SHISA9: variants seen among roughly 807,000 people sequenced by gnomAD.
The protein encoded by SHISA9 is protein shisa-9.
Under a neutral mutation model 38.0 loss-of-function variants are expected in SHISA9, and 13 were observed. The ratio of observed to expected loss-of-function variants is 0.34; its 90% CI spans 0.22 to 0.54. SHISA9 has a LOEUF of 0.54. Ranked by LOEUF, SHISA9 falls within the 20% of genes least tolerant of loss-of-function variation. The pLI is 0.91. For synonymous variants in SHISA9, 275 were observed against 242.0 expected, an observed-to-expected ratio of 1.14 and a Z score of -1.27; for missense variants, 538 against 575.8, an observed-to-expected ratio of 0.93 and a Z score of 0.67.
chr16:13,441,543 GC>G, the SHISA9 span, among the ~76,000 whole-genome samples: 1 of 152,178 alleles, frequency 6.6e-6, no homozygotes, highest in Non-Finnish European at 1.5e-5. Flanking sequence ...GGAGATCAAT[GC>G]CCTTTGTTTT....
At chr16:13,012,176 A>G (rs1269130162) in intron 2 of SHISA9, among the ~76,000 whole-genome samples, 1 of 152,052 alleles carries the variant, frequency 6.6e-6, no homozygotes, top group Non-Finnish European at 1.5e-5. Context: ...AGATCACACA[A>G]TATTTGTCTT....
intron 2 of SHISA9, among the ~76,000 whole-genome samples, chr16:13,112,849 A>G (rs1450947244): frequency 6.6e-6 from 1 of 152,012 alleles, no homozygotes; most frequent in African/African-American, 2.4e-5. Flanking sequence ...CTGAAACTAA[A>G]TCCGGTGTCA....
intron 2 of SHISA9, among the ~76,000 whole-genome samples, chr16:12,933,645 A>G (rs968407260): frequency 6.6e-6 from 1 of 152,220 alleles, no homozygotes; most frequent in Non-Finnish European, 1.5e-5. Flanking sequence ...AGTTGATATA[A>G]CAAAGGGAAA....
At chr16:13,511,164 G>A in the SHISA9 span, among the ~76,000 whole-genome samples, 1 of 152,234 alleles carries the variant, frequency 6.6e-6, no homozygotes, top group African/African-American at 2.4e-5. Flanking sequence ...CCCAAATAAA[G>A]TCATTCATAA....
intron 4 of SHISA9, among the ~76,000 whole-genome samples, chr16:13,225,686 A>T: frequency 6.6e-6 from 1 of 152,078 alleles, no homozygotes; most frequent in African/African-American, 2.4e-5. Context: ...GGTAGGTGGG[A>T]GGCTGCCTGC....
rs371605691 is a variant in SHISA9, at chr16:13,203,284, C to T, written c.692-110C>T. 5.4e-4 allele frequency: 591 copies of T among 1,093,136 alleles called. 1 individual carries two copies. The highest frequency in any genetic ancestry group is 9.3e-4 in the East Asian group (32 of 34,452). The allele number at this position is 1,093,136 out of a possible 1,614,324, so 67.7% of individuals were successfully genotyped here. On this transcript the variant is annotated intron_variant, in intron 2 of 4. Coordinates refer to ENST00000558583, the MANE Select transcript of SHISA9 (RefSeq NM_001145204.3). ...GAACCCTCTGCTGTTTTGCGACTTG[C>T]GTCCCTAAAGGGTGGGGAGAGTTTT...
At chr16:13,282,636 C>G in the SHISA9 span, among the ~76,000 whole-genome samples, 1 of 152,004 alleles carries the variant, frequency 6.6e-6, no homozygotes, top group Non-Finnish European at 1.5e-5. Flanking sequence ...TATGTCAGAT[C>G]ATTTGATATT....
At chr16:13,312,723 C>G in the SHISA9 span, among the ~76,000 whole-genome samples, 7 of 152,092 alleles carry the variant, frequency 4.6e-5, no homozygotes, top group Admixed American at 4.6e-4. Context: ...AATTCTGGTA[C>G]AATCATAATA....
At chr16:13,200,208 G>T (rs1291453232) in intron 2 of SHISA9, among the ~76,000 whole-genome samples, 1 of 151,926 alleles carries the variant, frequency 6.6e-6, no homozygotes, top group Non-Finnish European at 1.5e-5. Flanking sequence ...CCATCCTTTT[G>T]CTACAAGTAT....
At chr16:13,453,548 G>A in the SHISA9 span, among the ~76,000 whole-genome samples, 2 of 152,094 alleles carry the variant, frequency 1.3e-5, no homozygotes, top group Admixed American at 1.3e-4. Flanking sequence ...CAGACACATG[G>A]AACAAAGCCA....
chr16:13,111,337 C>G (rs1269273725), intron 2 of SHISA9, among the ~76,000 whole-genome samples: 1 of 123,266 alleles, frequency 8.1e-6, no homozygotes, highest in Admixed American at 8.8e-5. Context: ...AGAACTTAAA[C>G]AAATTACAAA....
At chr16:13,334,151 C>G in the SHISA9 span, among the ~76,000 whole-genome samples, 1 of 152,204 alleles carries the variant, frequency 6.6e-6, no homozygotes, top group Non-Finnish European at 1.5e-5. Context: ...TCCCTTTTCT[C>G]TCCTCATTGG....
At chr16:13,386,310 A>G in the SHISA9 span, among the ~76,000 whole-genome samples, 2,554 of 152,254 alleles carry the variant, frequency 0.017, 61 homozygotes, top group African/African-American at 0.056. Context: ...TGAAATCCCA[A>G]TGGTTTCCAT....
chr16:13,261,551 A>T, the SHISA9 span, among the ~76,000 whole-genome samples: 1 of 152,174 alleles, frequency 6.6e-6, no homozygotes, highest in African/African-American at 2.4e-5. Flanking sequence ...GAAACACCAG[A>T]ATTTATTCTG....
At chr16:13,072,212 G>A (rs948511059) in intron 2 of SHISA9, among the ~76,000 whole-genome samples, 2 of 152,234 alleles carry the variant, frequency 1.3e-5, no homozygotes, top group African/African-American at 2.4e-5. Context: ...GTTGAGAAGC[G>A]GTGGCTGGAA....
chr16:13,497,343 A>C, the SHISA9 span, among the ~76,000 whole-genome samples: 1 of 152,152 alleles, frequency 6.6e-6, no homozygotes, highest in Admixed American at 6.6e-5. Flanking sequence ...CTGTCTACCA[A>C]ATCTGTCTAA....
chr16:13,401,627 C>T, the SHISA9 span, among the ~76,000 whole-genome samples: 13,601 of 150,982 alleles, frequency 0.09, 796 homozygotes, highest in South Asian at 0.22. Context: ...CTTTCTATTC[C>T]CCCCGTATGA....
the SHISA9 span, among the ~76,000 whole-genome samples, chr16:13,327,511 G>C: frequency 6.6e-6 from 1 of 151,948 alleles, no homozygotes; most frequent in South Asian, 2.1e-4. Context: ...AGACACTCGG[G>C]AGACTGAGGC....
the SHISA9 span, among the ~76,000 whole-genome samples, chr16:13,287,132 A>G: frequency 6.6e-6 from 1 of 152,188 alleles, no homozygotes; most frequent in African/African-American, 2.4e-5. Flanking sequence ...AAAACACTGT[A>G]ACATGGCCCT....
Sources: allele counts gnomAD v4.1 joint callset (sites outside exome capture counted in the v4.1 genomes callset), GRCh38; gene constraint gnomAD v4.1.1; transcripts MANE v1.5; gene names NCBI Gene and HGNC (gene_info 2026-07-23, HGNC 2026-07-21).